TTC33: variants seen among roughly 807,000 people sequenced by gnomAD.
TTC33 encodes tetratricopeptide repeat protein 33.
In TTC33, 24 loss-of-function variants were observed where a neutral mutation model predicts 29.4. The ratio of observed to expected loss-of-function variants is 0.82; its 90% CI spans 0.59 to 1.15. The LOEUF is 1.15. Ranked by LOEUF, TTC33 falls within the 50% of genes most tolerant of loss-of-function variation. The pLI is 0.00. For missense variants in TTC33, 286 were observed against 310.4 expected, an observed-to-expected ratio of 0.92 and a Z score of 0.59; for synonymous variants, 107 against 100.3, an observed-to-expected ratio of 1.07 and a Z score of -0.40.
chr5:40,738,362 C>G (rs2111913757), intron 2 of TTC33, among the ~76,000 whole-genome samples: 1 of 151,606 alleles, frequency 6.6e-6, no homozygotes, highest in African/African-American at 2.4e-5. Context: ...TTGCAGTGAG[C>G]TGAGATCATG....
chr5:40,738,444 A>C (rs249417), intron 2 of TTC33, among the ~76,000 whole-genome samples: 20,797 of 81,060 alleles, frequency 0.26, 3,341 homozygotes, highest in East Asian at 0.63. Context: ...ATATAAAATA[A>C]AATACAATAC....
rs1189563682 is a variant in TTC33, at chr5:40,724,477, A to G, written c.435+3868T>C. Reference sequence around the variant, plus strand: ...GTGAAACCCTGTCTCTACTAAAATTACAAAAATTAGCCAGACATGGTGGCA... The same window carrying G: ...GTGAAACCCTGTCTCTACTAAAATTGCAAAAATTAGCCAGACATGGTGGCA... On this transcript the variant is annotated intron_variant, in intron 4 of 4. Coordinates refer to ENST00000337702, the MANE Select transcript of TTC33 (RefSeq NM_012382.3). Among the ~76,000 whole-genome samples the G allele has an allele frequency of 2.0e-5, 3 of 152,076 alleles. No individual in the cohort carries two copies. The East Asian group carries it at 5.8e-4, about 29-fold the overall frequency.
intron 4 of TTC33, 102 bp from the exon 5 acceptor site, chr5:40,716,600 C>CTAGTACATTAAGA: frequency 1.3e-6 from 1 of 742,280 alleles, no homozygotes; most frequent in Non-Finnish European, 2.2e-6. Context: ...CATACACATC[C>CTAGTACATTAAGA]TAATGCATTA....
intron 2 of TTC33, among the ~76,000 whole-genome samples, chr5:40,744,176 C>T (rs1025026678): frequency 7.2e-5 from 11 of 152,320 alleles, no homozygotes; most frequent in African/African-American, 2.6e-4. Context: ...CTAAGACAGA[C>T]TAGTCAATCT....
intron 4 of TTC33, among the ~76,000 whole-genome samples, chr5:40,724,373 G>C (rs576851928): frequency 1.3e-5 from 2 of 152,070 alleles, no homozygotes; most frequent in Non-Finnish European, 2.9e-5. Flanking sequence ...AGTGGCTCAC[G>C]CCTGTAATCC....
At chr5:40,752,318 C>A (rs947807924) in intron 1 of TTC33, among the ~76,000 whole-genome samples, 4 of 152,212 alleles carry the variant, frequency 2.6e-5, no homozygotes, top group Non-Finnish European at 5.9e-5. Context: ...ACTGAAGTAG[C>A]ACTTTCAATT....
intron 1 of TTC33, among the ~76,000 whole-genome samples, chr5:40,749,062 G>A (rs370446112): frequency 2.0e-5 from 3 of 152,070 alleles, no homozygotes; most frequent in Admixed American, 2.0e-4. Flanking sequence ...GGAGGCGGAG[G>A]TTGCAGTGAG....
chr5:40,723,296 T>G (rs1007373763), intron 4 of TTC33, among the ~76,000 whole-genome samples: 6 of 152,094 alleles, frequency 3.9e-5, no homozygotes, highest in Admixed American at 2.0e-4. Flanking sequence ...ACAAACACTG[T>G]GGAAGGCCGC....
chr5:40,755,224 G>C (rs1383492924), intron 1 of TTC33, among the ~76,000 whole-genome samples: 1 of 152,172 alleles, frequency 6.6e-6, no homozygotes, highest in East Asian at 1.9e-4. Flanking sequence ...CTTGTCTTGA[G>C]TGTGTCTGAG....
chr5:40,747,001 C>T lies in TTC33; in HGVS notation c.18G>A (p.Trp6Ter). 6.2e-7 allele frequency: 1 copy of T among 1,613,504 alleles called. No individual in the cohort carries two copies. The highest frequency in any genetic ancestry group is 1.1e-5 in the South Asian group (1 of 90,858). ...AGACCTTCTCACCAATTTTCCTCTT[C>T]CACCCAAAGGAAGCCATTCTGGAAA... is the stretch of plus-strand genomic sequence containing the variant. MASFG[W>*]KRKIGEKVSK... The change falls in exon 2 of 5, where the codon TGG (tryptophan) becomes TGA (stop). Residue 6 changes from tryptophan to a stop codon, truncating the protein, a stop_gained. Transcript: ENST00000337702. LOFTEE classifies it high-confidence loss of function.
intron 1 of TTC33, among the ~76,000 whole-genome samples, chr5:40,754,238 G>T (rs985265108): frequency 4.6e-5 from 7 of 152,308 alleles, no homozygotes; most frequent in African/African-American, 1.4e-4. Context: ...ACAGACTGAG[G>T]TTATGAGGGT....
chr5:40,753,182 T>C (rs1385121539), intron 1 of TTC33, among the ~76,000 whole-genome samples: 2 of 152,116 alleles, frequency 1.3e-5, no homozygotes, highest in East Asian at 1.9e-4. Flanking sequence ...CTGGCCAACA[T>C]GGTGAAACCC....
chr5:40,712,646 C>A lies in TTC33; in HGVS notation c.*3499G>T, dbSNP rs544767345. Among the ~76,000 whole-genome samples the A allele has an allele frequency of 1.1e-4, 16 of 152,278 alleles. No individual in the cohort carries two copies. In the South Asian group the frequency reaches 3.1e-3, roughly 30 times the overall value. On this transcript the variant is annotated 3_prime_UTR_variant, in exon 5 of 5. Coordinates refer to ENST00000337702, the MANE Select transcript of TTC33 (RefSeq NM_012382.3). Reference sequence around the variant, plus strand: ...GGTTCACAATGTAGCTGGCAAGAGACCACAACATCGGTTCTCTGCAGTTAT... The same window carrying A: ...GGTTCACAATGTAGCTGGCAAGAGAACACAACATCGGTTCTCTGCAGTTAT...
In TTC33 at chr5:40,750,521, G is replaced by A. The variant is rs1008487887; in HGVS notation, c.-1-3502C>T. On this transcript the variant is annotated intron_variant, in intron 1 of 4. Coordinates refer to ENST00000337702, the MANE Select transcript of TTC33 (RefSeq NM_012382.3). ...TGCAGTGAGCCATGACCATGCCACC[G>A]AACTCCACCCTGGCACCCTGGGTGA... Among the ~76,000 whole-genome samples, 7 of 151,820 alleles carry A rather than the reference G, an allele frequency of 4.6e-5. No homozygotes were observed. In the South Asian group the frequency reaches 6.2e-4, roughly 14 times the overall value.
rs1007171830 is a variant in TTC33, at chr5:40,715,561, TAA to T, written c.*582_*583del. The T allele has an allele frequency of 6.6e-6, 1 of 152,322 alleles. No individual in the cohort carries two copies. The highest frequency in any genetic ancestry group is 1.5e-5 in the Non-Finnish European group (1 of 68,002). 9.4% of individuals were successfully genotyped at this position (152,322 alleles called of 1,614,324 possible). On this transcript the variant is annotated 3_prime_UTR_variant, in exon 5 of 5. Coordinates refer to ENST00000337702, the MANE Select transcript of TTC33 (RefSeq NM_012382.3). ...TCAAAACAGAAACACAAATCAGAAT[TAA>T]GAGAAACTTCAGAAAATGTTCAGAA...
intron 1 of TTC33, among the ~76,000 whole-genome samples, chr5:40,751,987 C>T (rs1410102252): frequency 6.6e-6 from 1 of 151,220 alleles, no homozygotes; most frequent in Non-Finnish European, 1.5e-5. Context: ...AAGAAAATCT[C>T]ATTTAGTGTA....
rs1452394633 is a variant in TTC33, at chr5:40,730,341, T to C, written c.224A>G (p.Tyr75Cys). ...EGASLAENKRYREAIQKWDEA... is the reference protein window; with the variant it reads ...EGASLAENKRCREAIQKWDEA... ...ATCCCACTTCTGAATTGCCTCCCGATATCTGTGGTTGTTAAAGTTATATCA... is the reference window on the plus strand; with the variant it reads ...ATCCCACTTCTGAATTGCCTCCCGACATCTGTGGTTGTTAAAGTTATATCA... The change falls in exon 3 of 5, where the codon TAT becomes TGT. Residue 75 changes from tyrosine (Y) to cysteine (C), a missense_variant and splice_region_variant. Coordinates refer to ENST00000337702, the MANE Select transcript of TTC33 (RefSeq NM_012382.3). The C allele has an allele frequency of 6.2e-7, 1 of 1,612,854 alleles. No homozygotes were observed.
At chr5:40,729,936 T>C (rs1044926174) in intron 3 of TTC33, among the ~76,000 whole-genome samples, 4 of 151,976 alleles carry the variant, frequency 2.6e-5, no homozygotes, top group Non-Finnish European at 5.9e-5. Context: ...TGACCTCAAG[T>C]GATCCACCCA....
At chr5:40,750,337 A>G (rs1040711632) in intron 1 of TTC33, among the ~76,000 whole-genome samples, 1 of 152,132 alleles carries the variant, frequency 6.6e-6, no homozygotes, top group African/African-American at 2.4e-5. Context: ...TGTGAGGCTA[A>G]GGCAGGTAGA....
Sources: allele counts gnomAD v4.1 joint callset (sites outside exome capture counted in the v4.1 genomes callset), GRCh38; gene constraint gnomAD v4.1.1; transcripts MANE v1.5; gene names NCBI Gene and HGNC (gene_info 2026-07-23, HGNC 2026-07-21).